RBMS1: variants seen among roughly 807,000 people sequenced by gnomAD.
RBMS1 encodes RNA binding motif single stranded interacting protein 1, also known as RNA-binding motif, single-stranded-interacting protein 1.
Under a neutral mutation model 62.3 loss-of-function variants are expected in RBMS1, and 17 were observed. That is an observed-to-expected ratio of 0.27 (90% confidence interval 0.19 to 0.41). The LOEUF (loss-of-function observed/expected upper bound fraction) is 0.41, where lower values mean the gene tolerates loss of function less well. Among genes scored for constraint, RBMS1 ranks in the 10% least tolerant of loss-of-function variants. RBMS1 has a pLI of 1.00. For missense variants in RBMS1, 334 were observed against 504.5 expected, an observed-to-expected ratio of 0.66 and a Z score of 3.24; for synonymous variants, 172 against 170.0, an observed-to-expected ratio of 1.01 and a Z score of -0.09.
intron 1 of RBMS1, among the ~76,000 whole-genome samples, chr2:160,450,540 C>CA (rs1355990593): frequency 3.1e-3 from 43 of 13,966 alleles, no homozygotes; most frequent in East Asian, 8.6e-3. Flanking sequence ...AATTCCATCT[C>CA]AAAAAAAATA....
At chr2:160,299,717 T>C (rs951659542) in intron 6 of RBMS1, among the ~76,000 whole-genome samples, 17 of 152,178 alleles carry the variant, frequency 1.1e-4, no homozygotes, top group Admixed American at 4.6e-4. Flanking sequence ...TGACGGAGCT[T>C]CTAGCTGGTG....
At chr2:160,318,831 C>T (rs537502743) in intron 2 of RBMS1, among the ~76,000 whole-genome samples, 1 of 152,304 alleles carries the variant, frequency 6.6e-6, no homozygotes, top group African/African-American at 2.4e-5. Context: ...TTATTTACAC[C>T]ACTTGTAACT....
intron 1 of RBMS1, among the ~76,000 whole-genome samples, chr2:160,448,287 C>T (rs1292769674): frequency 1.4e-5 from 2 of 146,542 alleles, no homozygotes; most frequent in Non-Finnish European, 3.0e-5. Context: ...AACTCCCCCT[C>T]CCCCTCCCCC....
intron 1 of RBMS1, among the ~76,000 whole-genome samples, chr2:160,375,996 C>G (rs1430189947): frequency 6.6e-6 from 1 of 152,092 alleles, no homozygotes; most frequent in African/African-American, 2.4e-5. Flanking sequence ...CTGCCTCACC[C>G]CAGTAGATTT....
chr2:160,331,488 C>T (rs970155150), intron 2 of RBMS1, among the ~76,000 whole-genome samples: 1 of 152,164 alleles, frequency 6.6e-6, no homozygotes, highest in Non-Finnish European at 1.5e-5. Context: ...TGGCTGTCAT[C>T]CCCATTAGGT....
At chr2:160,405,750 C>T (rs976988107) in intron 1 of RBMS1, among the ~76,000 whole-genome samples, 11 of 152,278 alleles carry the variant, frequency 7.2e-5, no homozygotes, top group Non-Finnish European at 1.3e-4. Context: ...CAGGCTACCC[C>T]CCTTCACACA....
At chr2:160,461,990 T>C (rs1417378569) in intron 1 of RBMS1, among the ~76,000 whole-genome samples, 8 of 152,192 alleles carry the variant, frequency 5.3e-5, no homozygotes, top group African/African-American at 1.9e-4. Flanking sequence ...TTCAGTTTTC[T>C]ATGATAATGG....
intron 1 of RBMS1, among the ~76,000 whole-genome samples, chr2:160,417,866 G>C (rs1696264647): frequency 6.6e-6 from 1 of 152,112 alleles, no homozygotes; most frequent in South Asian, 2.1e-4. Flanking sequence ...ACAAGTAAAT[G>C]ACTCATATGC....
intron 1 of RBMS1, among the ~76,000 whole-genome samples, chr2:160,487,779 A>G (rs1685657818): frequency 6.6e-6 from 1 of 152,218 alleles, no homozygotes; most frequent in South Asian, 2.1e-4. Context: ...AAATGCATCC[A>G]TTTAAGAATT....
chr2:160,298,089 C>G (rs1689031360), intron 6 of RBMS1, among the ~76,000 whole-genome samples: 1 of 152,076 alleles, frequency 6.6e-6, no homozygotes, highest in Non-Finnish European at 1.5e-5. Flanking sequence ...AGAAATTAAA[C>G]TAGGCAGTGG....
At chr2:160,304,344 G>A (rs1408757434) in intron 4 of RBMS1, among the ~76,000 whole-genome samples, 5 of 152,130 alleles carry the variant, frequency 3.3e-5, no homozygotes, top group Non-Finnish European at 5.9e-5. Flanking sequence ...TTGAAGTCTT[G>A]TGTTTTATCT....
At chr2:160,455,698 T>TC (rs1337871328) in intron 1 of RBMS1, among the ~76,000 whole-genome samples, 1 of 151,020 alleles carries the variant, frequency 6.6e-6, no homozygotes, top group Non-Finnish European at 1.5e-5. Context: ...TTTTTTTTTT[T>TC]TTTGAGACGG....
chr2:160,457,793 A>C (rs1334667988), intron 1 of RBMS1, among the ~76,000 whole-genome samples: 1 of 151,678 alleles, frequency 6.6e-6, no homozygotes, highest in African/African-American at 2.4e-5. Context: ...TGAAAGTCGC[A>C]CTTTCACACA....
At chr2:160,335,849 T>C (rs1235664359) in intron 2 of RBMS1, among the ~76,000 whole-genome samples, 1 of 152,186 alleles carries the variant, frequency 6.6e-6, no homozygotes, top group Non-Finnish European at 1.5e-5. Flanking sequence ...TTTTAATTAT[T>C]TGTTTCTTAT....
intron 10 of RBMS1, among the ~76,000 whole-genome samples, chr2:160,280,254 A>T (rs1416826146): frequency 2.0e-5 from 3 of 152,208 alleles, no homozygotes; most frequent in Non-Finnish European, 4.4e-5. Context: ...TGTACAGGTA[A>T]GTGTGGGTTT....
chr2:160,318,207 G>C lies in RBMS1; in HGVS notation c.272C>G (p.Thr91Arg). ...CGTTGTCTTATCCAAAATTGCCTTT[G>C]TGGAGACTATTTTCCCATATCTAAA... ...LCQPYGKIVSTKAILDKTTNK... is the reference protein window; with the variant it reads ...LCQPYGKIVSRKAILDKTTNK... Residue 91 changes from threonine to arginine, a missense_variant, in exon 3 of 14, where the codon ACA becomes AGA. Physicochemically the swap from Thr to Arg is moderately conservative, Grantham distance 71. This residue lies in a region of RBMS1 where 150 missense variants were observed against 228.0 expected (regional missense o/e 0.66). Coordinates refer to ENST00000348849, the MANE Select transcript of RBMS1 (RefSeq NM_016836.4). The C allele has an allele frequency of 7.1e-7, 1 of 1,407,230 alleles. No individual in the cohort carries two copies. The highest frequency in any genetic ancestry group is 9.5e-7 in the Non-Finnish European group (1 of 1,053,898). 87.2% of individuals were successfully genotyped at this position (1,407,230 alleles called of 1,614,324 possible).
chr2:160,290,234 T>C (rs532306032), intron 6 of RBMS1, among the ~76,000 whole-genome samples: 2 of 150,828 alleles, frequency 1.3e-5, no homozygotes, highest in East Asian at 4.0e-4. Context: ...GAGCGTACCT[T>C]TCAGCTGAAC....
At chr2:160,381,563 G>A (rs537852835) in intron 1 of RBMS1, among the ~76,000 whole-genome samples, 19 of 152,320 alleles carry the variant, frequency 1.2e-4, no homozygotes, top group Non-Finnish European at 2.2e-4. Flanking sequence ...TCACCGAGGA[G>A]GTAGCAGTCA....
At chr2:160,427,741 AG>A (rs1682698435) in intron 1 of RBMS1, among the ~76,000 whole-genome samples, 1 of 152,224 alleles carries the variant, frequency 6.6e-6, no homozygotes, top group Non-Finnish European at 1.5e-5. Flanking sequence ...TCATCTCAGC[AG>A]GGTGCCTGTG....
Sources: allele counts gnomAD v4.1 joint callset (sites outside exome capture counted in the v4.1 genomes callset), GRCh38; gene constraint gnomAD v4.1.1; regional missense constraint gnomAD v4.1.1; transcripts MANE v1.5; gene names NCBI Gene and HGNC (gene_info 2026-07-23, HGNC 2026-07-21).